Variants in IPCEF1 observed in about 807,000 individuals in gnomAD.
IPCEF1 encodes the protein interactor protein for cytohesin exchange factors 1.
A neutral mutation model predicts 50.9 loss-of-function variants in IPCEF1; 31 were observed. That is an observed-to-expected ratio of 0.61 (90% CI 0.46 to 0.82). IPCEF1 has a LOEUF of 0.82. Among genes scored for constraint, IPCEF1 ranks in the 40% least tolerant of loss-of-function variants. IPCEF1 has a pLI of 0.00. For synonymous variants in IPCEF1, 181 were observed against 192.0 expected (o/e 0.94, Z 0.47); for missense variants, 458 against 514.0 (o/e 0.89, Z 1.05).
chr6:154,301,912 C>T (rs909022373), intron 1 of IPCEF1, among the ~76,000 whole-genome samples: 2 of 152,144 alleles, frequency 1.3e-5, no homozygotes, highest in Non-Finnish European at 2.9e-5. Flanking sequence ...GGCTTGAAGG[C>T]ATTTGGAATG....
intron 9 of IPCEF1, among the ~76,000 whole-genome samples, chr6:154,201,787 C>T (rs544365107): frequency 1.4e-4 from 22 of 152,240 alleles, no homozygotes; most frequent in Admixed American, 1.1e-3. Flanking sequence ...CCCAGCTACT[C>T]GGGAAGCTGA....
chr6:154,325,107 A>G (rs951723995), intron 1 of IPCEF1, among the ~76,000 whole-genome samples: 3 of 152,220 alleles, frequency 2.0e-5, no homozygotes, highest in African/African-American at 7.2e-5. Flanking sequence ...AATACAGGAA[A>G]GATAGTCCAC....
intron 10 of IPCEF1, among the ~76,000 whole-genome samples, chr6:154,195,976 G>C (rs964474241): frequency 6.6e-6 from 1 of 151,778 alleles, no homozygotes. Flanking sequence ...ATTTTTAGTA[G>C]AGACAGGGTT....
At chr6:154,354,408 C>CTCCACA in intron 1 of IPCEF1, among the ~76,000 whole-genome samples, 1 of 150,590 alleles carries the variant, frequency 6.6e-6, no homozygotes, top group Admixed American at 6.6e-5. Context: ...CCACCATCTC[C>CTCCACA]ACCACCACCT....
chr6:154,180,414 A>ATATATATATATTTTTTT (rs1241250621), intron 10 of IPCEF1, among the ~76,000 whole-genome samples: 1 of 65,268 alleles, frequency 1.5e-5, no homozygotes, highest in African/African-American at 4.8e-5. Flanking sequence ...ATATATATAT[A>ATATATATATATTTTTTT]TTTTTTTTTT....
At chr6:154,228,124 CTT>C (rs1181569039) in intron 5 of IPCEF1, among the ~76,000 whole-genome samples, 1 of 152,012 alleles carries the variant, frequency 6.6e-6, no homozygotes, top group Non-Finnish European at 1.5e-5. Context: ...ACTAAAATAA[CTT>C]TGTTGAATGG....
Position 154,283,737 on chromosome 6 carries a change from G to A in IPCEF1, c.-18+5976C>T, listed in dbSNP as rs556547932. On this transcript the variant is annotated intron_variant, in intron 2 of 11. Transcript: ENST00000367220. The stretch of plus-strand genomic sequence containing the variant: ...GAACATTGTTAGATTTCTCATGCAA[G>A]TTGAGCTGCTGAAGGACATGGGGGC... 4.6e-5 allele frequency among the ~76,000 whole-genome samples: 7 copies of A among 152,314 alleles called. No homozygotes were observed. The South Asian group carries it at 1.2e-3, about 27-fold the overall frequency.
chr6:154,218,374 G>A (rs1227235922), intron 7 of IPCEF1, among the ~76,000 whole-genome samples: 1 of 152,168 alleles, frequency 6.6e-6, no homozygotes, highest in Non-Finnish European at 1.5e-5. Flanking sequence ...TTTAAATTGA[G>A]ACTCACTACA....
In IPCEF1 at chr6:154,255,817, C is replaced by A. The variant is rs566813113; in HGVS notation, c.37-8329G>T. 2.6e-5 allele frequency among the ~76,000 whole-genome samples: 4 copies of A among 152,170 alleles called. No individual in the cohort carries two copies. The South Asian group carries it at 8.3e-4, about 32-fold the overall frequency. On this transcript the variant is annotated intron_variant, in intron 3 of 11. Coordinates refer to ENST00000367220, the MANE Select transcript of IPCEF1 (RefSeq NM_001130700.2). ...TCCAATGTTTATGCCATCTATTGAG[C>A]TATTGCAAGAAAGGTATTTTCTTTT... is the stretch of plus-strand genomic sequence containing the variant.
chr6:154,238,825 C>G (rs934201230), intron 5 of IPCEF1, among the ~76,000 whole-genome samples: 1 of 151,898 alleles, frequency 6.6e-6, no homozygotes, highest in African/African-American at 2.4e-5. Flanking sequence ...GGATTACAGG[C>G]GTGAGCCACC....
intron 1 of IPCEF1, among the ~76,000 whole-genome samples, chr6:154,320,090 C>A (rs1667362693): frequency 6.6e-6 from 1 of 152,068 alleles, no homozygotes; most frequent in Admixed American, 6.5e-5. Context: ...TTTTCAGTTT[C>A]AATCTGCAAA....
chr6:154,164,904 A>C (rs1287660958), intron 11 of IPCEF1, among the ~76,000 whole-genome samples: 1 of 152,352 alleles, frequency 6.6e-6, no homozygotes, highest in East Asian at 1.9e-4. Flanking sequence ...CTTTTGCTCA[A>C]GTTCAACTTG....
At chr6:154,281,158 G>A (rs1782197296) in intron 2 of IPCEF1, among the ~76,000 whole-genome samples, 1 of 146,548 alleles carries the variant, frequency 6.8e-6, no homozygotes, top group Non-Finnish European at 1.5e-5. Flanking sequence ...TGGGCAAGAT[G>A]GTGAAACCCC....
At chr6:154,332,495 T>C (rs574308889) in intron 1 of IPCEF1, among the ~76,000 whole-genome samples, 2 of 152,306 alleles carry the variant, frequency 1.3e-5, no homozygotes, top group East Asian at 3.9e-4. Flanking sequence ...GAAGATGCTA[T>C]GTTTCAAGAA....
intron 1 of IPCEF1, among the ~76,000 whole-genome samples, chr6:154,313,041 GC>G (rs1716482805): frequency 7.8e-6 from 1 of 127,614 alleles, no homozygotes; most frequent in East Asian, 2.3e-4. Flanking sequence ...CAACCCCACT[GC>G]ACTGCAGGCT....
intron 1 of IPCEF1, among the ~76,000 whole-genome samples, chr6:154,298,403 C>G (rs1422521561): frequency 2.0e-5 from 3 of 152,294 alleles, no homozygotes; most frequent in Middle Eastern, 3.4e-3. Flanking sequence ...TAGAGAACCT[C>G]TTAATCAAAA....
At chr6:154,236,761 T>C (rs1282626193) in intron 5 of IPCEF1, among the ~76,000 whole-genome samples, 4 of 152,054 alleles carry the variant, frequency 2.6e-5, no homozygotes, top group South Asian at 2.1e-4. Flanking sequence ...GGCCCAGAGA[T>C]GGTGGGTGGT....
chr6:154,235,139 C>T (rs1377594010), intron 5 of IPCEF1, among the ~76,000 whole-genome samples: 1 of 152,200 alleles, frequency 6.6e-6, no homozygotes, highest in Non-Finnish European at 1.5e-5. Flanking sequence ...AATTAATCTA[C>T]CATCCATGGT....
At chr6:154,187,055 G>C (rs1260443726) in intron 10 of IPCEF1, among the ~76,000 whole-genome samples, 1 of 152,100 alleles carries the variant, frequency 6.6e-6, no homozygotes, top group Non-Finnish European at 1.5e-5. Context: ...TCCACACTCT[G>C]TCTTCCTGCC....
Sources: allele counts gnomAD v4.1 joint callset (sites outside exome capture counted in the v4.1 genomes callset), GRCh38; gene constraint gnomAD v4.1.1; transcripts MANE v1.5; gene names NCBI Gene and HGNC (gene_info 2026-07-23, HGNC 2026-07-21).